Variants in KLHL29 observed in about 807,000 individuals in gnomAD.
The protein encoded by KLHL29 is kelch like family member 29, also known as kelch-like protein 29.
In KLHL29, 21 loss-of-function variants were observed where a neutral mutation model predicts 80.4. The ratio of observed to expected loss-of-function variants is 0.26; its 90% CI spans 0.19 to 0.38. The LOEUF is 0.38. Ranked by LOEUF, KLHL29 falls within the 10% of genes least tolerant of loss-of-function variation. KLHL29 has a pLI of 1.00. For missense variants in KLHL29, 867 were observed against 1,223.9 expected, an observed-to-expected ratio of 0.71 and a Z score of 4.35; for synonymous variants, 511 against 526.8, an observed-to-expected ratio of 0.97 and a Z score of 0.41.
At chr2:23,599,721 C>T (rs1668520340) in intron 3 of KLHL29, among the ~76,000 whole-genome samples, 1 of 152,058 alleles carries the variant, frequency 6.6e-6, no homozygotes, top group African/African-American at 2.4e-5. Flanking sequence ...TAATTTTTTT[C>T]CTCCAGCATT....
intron 3 of KLHL29, among the ~76,000 whole-genome samples, chr2:23,637,404 A>G (rs1311028016): frequency 2.0e-5 from 3 of 152,120 alleles, no homozygotes; most frequent in Non-Finnish European, 4.4e-5. Context: ...CTCTCCTCCC[A>G]GCCTCTGCCT....
At chr2:23,391,819 T>C (rs1023035469) in intron 1 of KLHL29, among the ~76,000 whole-genome samples, 8 of 152,262 alleles carry the variant, frequency 5.3e-5, no homozygotes, top group Non-Finnish European at 1.0e-4. Context: ...CACAGAATAC[T>C]GTCCAATAAA....
At chr2:23,478,514 A>G (rs1200948090) in intron 2 of KLHL29, among the ~76,000 whole-genome samples, 1 of 152,146 alleles carries the variant, frequency 6.6e-6, no homozygotes, top group Non-Finnish European at 1.5e-5. Context: ...TTTGGTGGAA[A>G]TCACCCAAAT....
chr2:23,701,557 C>CA (rs1452836639), intron 11 of KLHL29, among the ~76,000 whole-genome samples: 1 of 151,994 alleles, frequency 6.6e-6, no homozygotes, highest in African/African-American at 2.4e-5. Context: ...TACGACAAAT[C>CA]AAAAAATTAG....
chr2:23,513,805 C>G (rs1665847339), intron 2 of KLHL29, among the ~76,000 whole-genome samples: 1 of 152,106 alleles, frequency 6.6e-6, no homozygotes, highest in Non-Finnish European at 1.5e-5. Context: ...CTAAAAACCC[C>G]AAAAGGCTCC....
intron 1 of KLHL29, among the ~76,000 whole-genome samples, chr2:23,405,632 A>G (rs114983347): frequency 0.027 from 4,171 of 152,208 alleles, 233 homozygotes; most frequent in African/African-American, 0.096. Context: ...CAATGTTGGC[A>G]CCAGTTCTGC....
rs185379038 is a variant in KLHL29, at chr2:23,577,357, A to C, written c.285+14876A>C. Among the ~76,000 whole-genome samples the C allele has an allele frequency of 2.5e-3, 385 of 152,292 alleles. 1 individual carries two copies. The highest frequency in any genetic ancestry group is 9.0e-3 in the African/African-American group (375 of 41,558). ...TCTCAGCTGCTCGGGATGCTGAGGC[A>C]GGAGAATCGCCTGAACCCAGGAGGC... On this transcript the variant is annotated intron_variant, in intron 3 of 13. Transcript: ENST00000486442.
At chr2:23,445,541 C>A (rs777727761) in intron 1 of KLHL29, among the ~76,000 whole-genome samples, 1 of 152,216 alleles carries the variant, frequency 6.6e-6, no homozygotes, top group African/African-American at 2.4e-5. Context: ...GGGTTGTTTC[C>A]GGTCTTTTTC....
intron 11 of KLHL29, among the ~76,000 whole-genome samples, chr2:23,702,681 G>A (rs896471962): frequency 6.6e-6 from 1 of 152,114 alleles, no homozygotes; most frequent in Non-Finnish European, 1.5e-5. Context: ...TGCACCTTGG[G>A]TTTCTCACCT....
chr2:23,614,903 T>A (rs1353289715), intron 3 of KLHL29, among the ~76,000 whole-genome samples: 1 of 152,144 alleles, frequency 6.6e-6, no homozygotes, highest in Non-Finnish European at 1.5e-5. Flanking sequence ...AGGGGCGCCC[T>A]GGGCCCTGGG....
At chr2:23,492,781 G>T (rs1352144505) in intron 2 of KLHL29, among the ~76,000 whole-genome samples, 1 of 152,162 alleles carries the variant, frequency 6.6e-6, no homozygotes, top group Non-Finnish European at 1.5e-5. Flanking sequence ...GGTTTGCAGA[G>T]CAAGACAGAC....
intron 2 of KLHL29, among the ~76,000 whole-genome samples, chr2:23,551,311 C>T (rs1480207393): frequency 6.6e-6 from 1 of 152,066 alleles, no homozygotes; most frequent in African/African-American, 2.4e-5. Flanking sequence ...TCAATTAGTC[C>T]CACGAGAAAA....
In KLHL29 at chr2:23,550,787, C is replaced by T. The variant is rs145441099; in HGVS notation, c.-45-11365C>T. Among the ~76,000 whole-genome samples, 669 of 152,310 alleles carry T rather than the reference C, an allele frequency of 4.4e-3. 3 individuals carry two copies. The highest frequency in any genetic ancestry group is 0.012 in the South Asian group (60 of 4,830). ...TGCCACTGGGTCTGGCTCCAGGCAC[C>T]GAGTAGGATTCATTCATCAGCTTGG... On this transcript the variant is annotated intron_variant, in intron 2 of 13. Transcript: ENST00000486442.
At chr2:23,536,918 A>ACACACACTCTCTCT (rs143009876) in intron 2 of KLHL29, among the ~76,000 whole-genome samples, 2,328 of 140,690 alleles carry the variant, frequency 0.017, 59 homozygotes, top group African/African-American at 0.053. Flanking sequence ...ACACACACAC[A>ACACACACTCTCTCT]CTCTCTCTCT....
intron 1 of KLHL29, among the ~76,000 whole-genome samples, chr2:23,443,841 A>G (rs2103416819): frequency 6.6e-6 from 1 of 152,340 alleles, no homozygotes; most frequent in East Asian, 1.9e-4. Context: ...TTCTGTAATT[A>G]GCAAGTAATC....
chr2:23,702,907 G>C (rs115845123), intron 11 of KLHL29, among the ~76,000 whole-genome samples: 1 of 142,908 alleles, frequency 7.0e-6, no homozygotes, highest in South Asian at 2.5e-4. Flanking sequence ...GGGGAGCACT[G>C]TGTGAGCAAA....
At chr2:23,609,648 G>A (rs1041800961) in intron 3 of KLHL29, among the ~76,000 whole-genome samples, 4 of 151,978 alleles carry the variant, frequency 2.6e-5, no homozygotes, top group Admixed American at 6.6e-5. Context: ...GGAATGGGGG[G>A]ATTTCAGACA....
Position 23,707,326 on chromosome 2 carries a change from T to G in KLHL29, c.*662T>G, listed in dbSNP as rs763804939. ...GTTTTTGCTGGAGAAGGACAGTGAT[T>G]GCGCTAGCTTTCTCTTACCCGGTAT... On this transcript the variant is annotated 3_prime_UTR_variant, in exon 14 of 14. Transcript: ENST00000486442. 1 of 152,212 alleles carries G rather than the reference T, an allele frequency of 6.6e-6. No individual in the cohort carries two copies. The highest frequency in any genetic ancestry group is 1.5e-5 in the Non-Finnish European group (1 of 68,044). The allele number at this position is 152,212 out of a possible 1,614,324, so 9.4% of individuals were successfully genotyped here.
rs1330726107 is a variant in KLHL29, at chr2:23,596,195, C to G, written c.285+33714C>G. Among the ~76,000 whole-genome samples the G allele has an allele frequency of 6.6e-6, 1 of 152,240 alleles. No homozygotes were observed. Among genetic ancestry groups the G allele is most frequent in the Non-Finnish European group, 1.5e-5 (1 of 68,042 alleles). ...GCAGGCCGGGGGCGGGGCAGGGCAA[C>G]AGCCTTGTACCCTGCTGCCATCTGC... is the stretch of plus-strand genomic sequence containing the variant. On this transcript the variant is annotated intron_variant, in intron 3 of 13. Coordinates refer to ENST00000486442, the MANE Select transcript of KLHL29 (RefSeq NM_052920.2). This position sits in a 1 kb window ranked among gnomAD's most constrained non-coding sequence, Gnocchi z 4.4.
Sources: allele counts gnomAD v4.1 joint callset (sites outside exome capture counted in the v4.1 genomes callset), GRCh38; gene constraint gnomAD v4.1.1; non-coding constraint Gnocchi (gnomAD v3.1); transcripts MANE v1.5; gene names NCBI Gene and HGNC (gene_info 2026-07-23, HGNC 2026-07-21).